Variants in TUSC3 observed in about 807,000 individuals in gnomAD.
TUSC3 encodes the protein dolichyl-diphosphooligosaccharide--protein glycosyltransferase subunit TUSC3.
Under a neutral mutation model 44.8 loss-of-function variants are expected in TUSC3, and 45 were observed. The ratio of observed to expected loss-of-function variants is 1.00; its 90% CI spans 0.79 to 1.29. TUSC3 has a LOEUF of 1.29. TUSC3 is among the 50% of genes most tolerant of loss of function. TUSC3 has a pLI of 0.00. For missense variants in TUSC3, 519 were observed against 437.9 expected (o/e 1.19, Z -1.65); for synonymous variants, 212 against 152.9 (o/e 1.39, Z -2.85).
chr8:15,573,198 C>CTATA (rs1260702049), intron 1 of TUSC3, among the ~76,000 whole-genome samples: 132 of 101,452 alleles, frequency 1.3e-3, no homozygotes, highest in South Asian at 1.4e-3. Flanking sequence ...CTCTCTCTCT[C>CTATA]TCTCTATATA....
chr8:15,479,539 G>C (rs941625096), intron 1 of TUSC3, among the ~76,000 whole-genome samples: 1 of 152,078 alleles, frequency 6.6e-6, no homozygotes, highest in South Asian at 2.1e-4. Flanking sequence ...ATTAGTTAAG[G>C]AATCCTTTTC....
At chr8:15,664,162 GA>G (rs1807550501) in intron 5 of TUSC3, among the ~76,000 whole-genome samples, 1 of 151,674 alleles carries the variant, frequency 6.6e-6, no homozygotes, top group Non-Finnish European at 1.5e-5. Context: ...AGGAAACAAA[GA>G]TTCAGTAATC....
the TUSC3 span, among the ~76,000 whole-genome samples, chr8:15,834,100 C>G: frequency 2.6e-5 from 4 of 152,046 alleles, no homozygotes; most frequent in Admixed American, 2.6e-4. Flanking sequence ...CTCTTCCCGA[C>G]TCTCCTCATT....
chr8:15,635,760 C>A (rs577186071), intron 2 of TUSC3, among the ~76,000 whole-genome samples: 1 of 152,228 alleles, frequency 6.6e-6, no homozygotes, highest in East Asian at 1.9e-4. Context: ...TGATAAGAGT[C>A]TCAAGTCTAG....
At chr8:15,529,947 G>GCCACCAAGCCC (rs528852746) in intron 2 of TUSC3, among the ~76,000 whole-genome samples, 10 of 25,638 alleles carry the variant, frequency 3.9e-4, no homozygotes, top group African/African-American at 1.0e-3. Context: ...ACAGGCGCCC[G>GCCACCAAGCCC]GCTAATTTTT....
intron 6 of TUSC3, among the ~76,000 whole-genome samples, chr8:15,716,973 ATGTAT>A (rs960993150): frequency 1.3e-5 from 2 of 152,054 alleles, no homozygotes. Context: ...TAGGGTTTAA[ATGTAT>A]TGTATATTTA....
intron 1 of TUSC3, among the ~76,000 whole-genome samples, chr8:15,584,882 G>T (rs1448854365): frequency 6.6e-6 from 1 of 152,148 alleles, no homozygotes; most frequent in Non-Finnish European, 1.5e-5. Context: ...TGGAGGTAAA[G>T]CTTTGAGAGA....
At chr8:15,417,873 T>G (rs935303553) in intron 1 of TUSC3, among the ~76,000 whole-genome samples, 1 of 152,092 alleles carries the variant, frequency 6.6e-6, no homozygotes, top group Non-Finnish European at 1.5e-5. Context: ...TGGAGCTGTC[T>G]TAATTAAGTC....
upstream of TUSC3, chr8:15,540,246 G>C: frequency 1.2e-6 from 1 of 840,130 alleles, no homozygotes; most frequent in Non-Finnish European, 1.7e-6. Flanking sequence ...TTCTCCCGGT[G>C]AACCGGATGC....
At chr8:15,735,825 A>G (rs906074488) in intron 7 of TUSC3, among the ~76,000 whole-genome samples, 8 of 151,594 alleles carry the variant, frequency 5.3e-5, no homozygotes, top group East Asian at 1.9e-4. Context: ...TCAGCCTCCC[A>G]AGTAGCTGGG....
intron 2 of TUSC3, among the ~76,000 whole-genome samples, chr8:15,634,836 A>G (rs1321531963): frequency 1.3e-5 from 2 of 152,312 alleles, no homozygotes; most frequent in South Asian, 2.1e-4. Flanking sequence ...AGATTATCAG[A>G]TGTTCGTCTG....
intron 2 of TUSC3, among the ~76,000 whole-genome samples, chr8:15,515,620 A>G (rs1344848826): frequency 6.6e-6 from 1 of 152,058 alleles, no homozygotes; most frequent in East Asian, 1.9e-4. Flanking sequence ...TTTCTGATGG[A>G]AATATTTATA....
At chr8:15,606,671 C>G (rs1339743215) in intron 1 of TUSC3, among the ~76,000 whole-genome samples, 1 of 151,918 alleles carries the variant, frequency 6.6e-6, no homozygotes, top group Non-Finnish European at 1.5e-5. Context: ...ATATTATATC[C>G]AAATACTTGG....
At chr8:15,657,573 C>T (rs1309614769) in intron 3 of TUSC3, among the ~76,000 whole-genome samples, 1 of 152,184 alleles carries the variant, frequency 6.6e-6, no homozygotes, top group East Asian at 1.9e-4. Flanking sequence ...ATCATAACCA[C>T]TTAAATAAGA....
intron 1 of TUSC3, among the ~76,000 whole-genome samples, chr8:15,568,675 G>T (rs138877042): frequency 1.3e-5 from 2 of 148,710 alleles, no homozygotes; most frequent in Admixed American, 1.3e-4. Flanking sequence ...TAATCTTAGC[G>T]CACTGCAACT....
the TUSC3 span, among the ~76,000 whole-genome samples, chr8:15,843,051 G>T: frequency 6.6e-6 from 1 of 152,138 alleles, no homozygotes; most frequent in Non-Finnish European, 1.5e-5. Flanking sequence ...GTCTCCCAAG[G>T]AAAGGAAGAG....
intron 2 of TUSC3, among the ~76,000 whole-genome samples, chr8:15,529,867 G>A (rs1229191950): frequency 1.9e-5 from 2 of 104,314 alleles, no homozygotes; most frequent in African/African-American, 7.8e-5. Flanking sequence ...GCGCAATCTC[G>A]GCTCACTGCA....
chr8:15,584,272 G>T (rs924930539), intron 1 of TUSC3, among the ~76,000 whole-genome samples: 2 of 152,138 alleles, frequency 1.3e-5, no homozygotes, highest in African/African-American at 4.8e-5. Flanking sequence ...TGACTTAAAG[G>T]CAGGGTGATC....
intron 3 of TUSC3, 68 bp downstream of exon 3, chr8:15,650,882 C>G: frequency 6.7e-7 from 1 of 1,488,280 alleles, no homozygotes; most frequent in South Asian, 1.1e-5. Context: ...TTGTTTGTCA[C>G]ATAAAAATAC....
Sources: gnomAD v4.1 joint callset for allele counts (sites outside exome capture counted in the v4.1 genomes callset) on GRCh38, gnomAD v4.1.1 for gene constraint, MANE v1.5 for transcripts, NCBI Gene and HGNC (gene_info 2026-07-23, HGNC 2026-07-21) for gene names.